MVP: variants seen among roughly 807,000 people sequenced by gnomAD.
MVP encodes the protein major vault protein, also known as lung resistance-related protein.
Under a neutral mutation model 83.5 loss-of-function variants are expected in MVP, and 62 were observed. That is an observed-to-expected ratio of 0.74 (90% CI 0.61 to 0.92). The LOEUF is 0.92. Ranked by LOEUF, MVP falls within the 40% of genes least tolerant of loss-of-function variation. The probability of loss-of-function intolerance (pLI) is 0.00; values close to 1 mark genes in which losing one functional copy is unlikely to be tolerated. For synonymous variants in MVP, 505 were observed against 504.1 expected (o/e 1.00, Z -0.02); for missense variants, 1,000 against 1,203.4 (o/e 0.83, Z 2.50).
rs200479201 is a variant in MVP, at chr16:29,830,589, C to T, written c.40C>T (p.His14Tyr). ...GTTCATCATCCGCATCCCCCCATACCACTATATCCATGTGCTGGACCAGAA... is the reference window on the plus strand; with the variant it reads ...GTTCATCATCCGCATCCCCCCATACTACTATATCCATGTGCTGGACCAGAA... Reference protein sequence around the residue: ...EEFIIRIPPYHYIHVLDQNSN... With the variant: ...EEFIIRIPPYYYIHVLDQNSN... Residue 14 changes from histidine to tyrosine, a missense_variant, in exon 2 of 15, where the codon CAC becomes TAC. Physicochemically the swap from His to Tyr is moderately conservative, Grantham distance 83. Coordinates refer to ENST00000357402, the MANE Select transcript of MVP (RefSeq NM_005115.5). The T allele has an allele frequency of 8.1e-6, 13 of 1,614,038 alleles. No individual in the cohort carries two copies. In the East Asian group the frequency reaches 1.6e-4, roughly 19 times the overall value.
intron 14 of MVP, 128 bp downstream of exon 14, chr16:29,847,513 G>A: frequency 1.0e-6 from 1 of 962,470 alleles, no homozygotes; most frequent in Non-Finnish European, 1.5e-6. Context: ...GACCCACGAT[G>A]CAGGGACATT....
At chr16:29,837,621 G>T (rs1281621506) in intron 7 of MVP, among the ~76,000 whole-genome samples, 2 of 151,960 alleles carry the variant, frequency 1.3e-5, no homozygotes, top group African/African-American at 2.4e-5. Context: ...AGGTGTGGTG[G>T]CACACACCTG....
intron 1 of MVP, among the ~76,000 whole-genome samples, chr16:29,824,241 A>G (rs1246340402): frequency 2.0e-5 from 3 of 147,088 alleles, no homozygotes; most frequent in Admixed American, 6.8e-5. Flanking sequence ...AAAAAAAAAA[A>G]CAGATTTCCA....
intron 7 of MVP, among the ~76,000 whole-genome samples, chr16:29,839,532 C>G (rs954106715): frequency 2.0e-5 from 3 of 151,916 alleles, no homozygotes; most frequent in Non-Finnish European, 2.9e-5. Flanking sequence ...TCTATAATCC[C>G]AGCACTTTGG....
At chr16:29,838,685 C>T (rs2067508424) in intron 7 of MVP, among the ~76,000 whole-genome samples, 1 of 151,854 alleles carries the variant, frequency 6.6e-6, no homozygotes, top group African/African-American at 2.4e-5. Context: ...AAAAATTGAC[C>T]AGGCATGGTG....
At chr16:29,831,567 C>G (rs1320053364) in intron 3 of MVP, 8 of 455,446 alleles carry the variant, frequency 1.8e-5, no homozygotes, top group Admixed American at 1.4e-4. Context: ...TCACCTCCAG[C>G]CACCCCCATC....
chr16:29,833,551 C>T lies in MVP; in HGVS notation c.322-182C>T, dbSNP rs547880097. The T allele has an allele frequency of 1.6e-4, 95 of 587,702 alleles. 4 individuals are homozygous for T. The South Asian group carries it at 2.0e-3, about 12-fold the overall frequency. The allele number at this position is 587,702 out of a possible 1,614,324, so 36.4% of individuals were successfully genotyped here. A position where few individuals can be genotyped will look rare whatever the true frequency, so the allele number is the denominator to read the frequency against. ...TCTTGAATGTCTGAGGTCAAGCAAT[C>T]CTCCTACCTCAGTCTCCCAAAGTTC... is the stretch of plus-strand genomic sequence containing the variant. On this transcript the variant is annotated intron_variant, in intron 3 of 14. Transcript: ENST00000357402.
chr16:29,841,869 G>T lies in MVP; in HGVS notation c.1436+29G>T. On this transcript the variant is annotated intron_variant, in intron 9 of 14. Transcript: ENST00000357402. The surrounding 1 kb of genome is among the most constrained non-coding windows in gnomAD (Gnocchi z 4.7). ...AGTGCTGGCAGCGCAGGGTGTAGGGGGTGGCTCTCCATGGGTCTGGCTCTG... is the reference window on the plus strand; with the variant it reads ...AGTGCTGGCAGCGCAGGGTGTAGGGTGTGGCTCTCCATGGGTCTGGCTCTG... The T allele has an allele frequency of 6.2e-7, 1 of 1,609,600 alleles. No individual in the cohort carries two copies. Among genetic ancestry groups the T allele is most frequent in the Non-Finnish European group, 8.5e-7 (1 of 1,179,902 alleles).
At chr16:29,826,679 T>C (rs1267821712) in intron 1 of MVP, among the ~76,000 whole-genome samples, 1 of 149,886 alleles carries the variant, frequency 6.7e-6, no homozygotes, top group Non-Finnish European at 1.5e-5. Flanking sequence ...TCCTAGCACT[T>C]TGGGAGGCCG....
chr16:29,823,052 C>T (rs2067374999), intron 1 of MVP, among the ~76,000 whole-genome samples: 1 of 151,712 alleles, frequency 6.6e-6, no homozygotes, highest in Non-Finnish European at 1.5e-5. Flanking sequence ...TACTGTGCAC[C>T]AGAGACCCTC....
At chr16:29,844,424 C>T (rs2067563374) in intron 10 of MVP, 69 bp from the exon 11 acceptor site, 2 of 1,503,916 alleles carry the variant, frequency 1.3e-6, no homozygotes, top group Non-Finnish European at 1.8e-6. Context: ...CATGGCAAGA[C>T]CTTGTCTCTT....
chr16:29,823,118 T>C (rs1252907201), intron 1 of MVP, among the ~76,000 whole-genome samples: 2 of 121,766 alleles, frequency 1.6e-5, no homozygotes, highest in African/African-American at 6.0e-5. Context: ...TTTTCTTTTC[T>C]TTTCTTTTTT....
chr16:29,833,938 C>T lies in MVP; in HGVS notation c.449C>T (p.Thr150Met), dbSNP rs771974873. 1.4e-5 allele frequency: 22 copies of T among 1,614,092 alleles called. No homozygotes were observed. Among genetic ancestry groups the T allele is most frequent in the South Asian group, 3.3e-5 (3 of 91,060 alleles). ...GACCATCACCTTCCCTCCCCAGGCACGTACATCCCCCGGAAGGAAGTGGAG... is the reference window on the plus strand; with the variant it reads ...GACCATCACCTTCCCTCCCCAGGCATGTACATCCCCCGGAAGGAAGTGGAG... ...GDEWLFEGPG[T>M]YIPRKEVEVV... is the part of the protein sequence containing the mutation. Residue 150 changes from threonine to methionine, a missense_variant, in exon 5 of 15, where the codon ACG (threonine) becomes ATG (methionine). By Grantham distance (81) the Thr-to-Met change is moderately conservative. Transcript: ENST00000357402.
At chr16:29,829,220 C>G (rs1368556268) in intron 1 of MVP, among the ~76,000 whole-genome samples, 1 of 151,510 alleles carries the variant, frequency 6.6e-6, no homozygotes, top group Non-Finnish European at 1.5e-5. Context: ...GGTGTGATGG[C>G]TCGCCTATAA....
intron 1 of MVP, 167 bp from the exon 2 acceptor site, chr16:29,830,343 TGGGTG>T: frequency 1.9e-6 from 1 of 533,522 alleles, no homozygotes; most frequent in Non-Finnish European, 3.4e-6. Flanking sequence ...TGTGTCGTCT[TGGGTG>T]GGGTGAAGAC....
intron 3 of MVP, among the ~76,000 whole-genome samples, chr16:29,832,468 T>C (rs1430568335): frequency 6.6e-6 from 1 of 151,182 alleles, no homozygotes; most frequent in African/African-American, 2.4e-5. Context: ...CGGCTAACTT[T>C]TTGTGTTTTT....
chr16:29,827,371 CTA>C (rs1209304915), intron 1 of MVP, among the ~76,000 whole-genome samples: 2 of 152,284 alleles, frequency 1.3e-5, no homozygotes, highest in African/African-American at 4.8e-5. Context: ...AGTGAGGAAA[CTA>C]TGTGAAAACA....
At position 29,846,872 on chromosome 16, in the gene MVP, T is replaced by G. The variant is rs1596932162; in HGVS notation, c.2266-325T>G. On this transcript the variant is annotated intron_variant, in intron 13 of 14. Coordinates refer to ENST00000357402, the MANE Select transcript of MVP (RefSeq NM_005115.5). ...GTGAAACTCCATCTCAAAAATAAAG[T>G]AAATAAAAATAAATGTAAAAAGAGG... Among the ~76,000 whole-genome samples the G allele has an allele frequency of 2.0e-5, 3 of 151,508 alleles. 1 individual carries two copies. Among genetic ancestry groups the G allele is most frequent in the Admixed American group, 1.3e-4 (2 of 15,188 alleles).
chr16:29,826,884 G>A (rs1049727716), intron 1 of MVP, among the ~76,000 whole-genome samples: 23 of 142,080 alleles, frequency 1.6e-4, no homozygotes, highest in African/African-American at 1.9e-4. Context: ...CCGAGATTGC[G>A]CCACTGCACT....
Sources: allele counts gnomAD v4.1 joint callset (sites outside exome capture counted in the v4.1 genomes callset), GRCh38; gene constraint gnomAD v4.1.1; non-coding constraint Gnocchi (gnomAD v3.1); transcripts MANE v1.5; gene names NCBI Gene and HGNC (gene_info 2026-07-23, HGNC 2026-07-21).